PLCB4: variants seen among roughly 807,000 people sequenced by gnomAD.
The protein encoded by PLCB4 is 1-phosphatidylinositol 4,5-bisphosphate phosphodiesterase beta-4.
Under a neutral mutation model 178.8 loss-of-function variants are expected in PLCB4, and 77 were observed. That is an observed-to-expected ratio of 0.43 (90% CI 0.36 to 0.52). PLCB4 has a LOEUF of 0.52. Among genes scored for constraint, PLCB4 ranks in the 20% least tolerant of loss-of-function variants. The probability of loss-of-function intolerance (pLI) is 0.00; values close to 1 mark genes in which losing one functional copy is unlikely to be tolerated. For missense variants in PLCB4, 1,024 were observed against 1,453.4 expected, an observed-to-expected ratio of 0.70 and a Z score of 4.80; for synonymous variants, 496 against 490.8, an observed-to-expected ratio of 1.01 and a Z score of -0.14.
chr20:9,077,287 A>C (rs1487448532), intron 1 of PLCB4, among the ~76,000 whole-genome samples: 1 of 152,046 alleles, frequency 6.6e-6, no homozygotes, highest in African/African-American at 2.4e-5. Context: ...ATGTGTGAGA[A>C]TTTTTTTTGT....
intron 3 of PLCB4, among the ~76,000 whole-genome samples, chr20:9,292,489 C>G (rs759355441): frequency 6.6e-6 from 1 of 152,150 alleles, no homozygotes; most frequent in Non-Finnish European, 1.5e-5. Flanking sequence ...CAAGCCCCAC[C>G]AGTGAGGACC....
intron 28 of PLCB4, among the ~76,000 whole-genome samples, chr20:9,432,114 AC>A (rs1323727213): frequency 5.3e-5 from 8 of 152,210 alleles, no homozygotes; most frequent in Admixed American, 1.3e-4. Flanking sequence ...AATTTTCAGA[AC>A]TATGCCGATA....
intron 2 of PLCB4, among the ~76,000 whole-genome samples, chr20:9,187,969 A>C (rs2093351033): frequency 1.3e-5 from 2 of 152,192 alleles, no homozygotes; most frequent in Non-Finnish European, 2.9e-5. Flanking sequence ...GAATCTCTCA[A>C]ACTAGAAGAT....
At chr20:9,100,269 T>C (rs1194684581) in intron 2 of PLCB4, among the ~76,000 whole-genome samples, 4 of 152,194 alleles carry the variant, frequency 2.6e-5, no homozygotes, top group Non-Finnish European at 4.4e-5. Context: ...GCAATACTAA[T>C]GGAAACAGCC....
chr20:9,338,872 C>G (rs752338886), intron 6 of PLCB4, 22 bp from the exon 7 acceptor site: 1 of 1,573,490 alleles, frequency 6.4e-7, no homozygotes, highest in East Asian at 2.3e-5. Flanking sequence ...ATTTTTTTTT[C>G]TATCTGTGTA....
At chr20:9,404,441 G>C (rs1211473249) in intron 20 of PLCB4, among the ~76,000 whole-genome samples, 1 of 151,906 alleles carries the variant, frequency 6.6e-6, no homozygotes, top group African/African-American at 2.4e-5. Flanking sequence ...CAAGAGTATT[G>C]TTTTAATACA....
chr20:9,335,508 C>T (rs149280470), intron 4 of PLCB4, among the ~76,000 whole-genome samples: 4 of 152,290 alleles, frequency 2.6e-5, no homozygotes, highest in East Asian at 1.9e-4. Context: ...CAAAAAATGT[C>T]ATATACTGGC....
chr20:9,126,438 C>G (rs1037432436), intron 2 of PLCB4, among the ~76,000 whole-genome samples: 2 of 152,056 alleles, frequency 1.3e-5, no homozygotes, highest in African/African-American at 2.4e-5. Flanking sequence ...TCCCCTAGTC[C>G]CCTTCACTCT....
chr20:9,310,201 T>A (rs528929086), intron 4 of PLCB4, among the ~76,000 whole-genome samples: 1 of 152,296 alleles, frequency 6.6e-6, no homozygotes, highest in East Asian at 1.9e-4. Context: ...AAAAGGTTCG[T>A]TTCTATGGTT....
chr20:9,191,628 T>C (rs1459565708), intron 2 of PLCB4, among the ~76,000 whole-genome samples: 1 of 152,150 alleles, frequency 6.6e-6, no homozygotes, highest in Admixed American at 6.5e-5. Context: ...ATCTGTCCTG[T>C]TGGTACCTAG....
intron 14 of PLCB4, 148 bp from the exon 15 acceptor site, chr20:9,387,315 C>T: frequency 2.0e-6 from 1 of 512,584 alleles, no homozygotes; most frequent in East Asian, 3.1e-5. Context: ...TGGTTTTAAC[C>T]TGTATATGCC....
At chr20:9,085,852 T>G (rs2090385947) in intron 1 of PLCB4, among the ~76,000 whole-genome samples, 1 of 152,216 alleles carries the variant, frequency 6.6e-6, no homozygotes, top group African/African-American at 2.4e-5. Context: ...GGATTGGTCT[T>G]AGAAGCACAG....
At chr20:9,388,760 A>G (rs2037893682) in intron 15 of PLCB4, among the ~76,000 whole-genome samples, 1 of 152,222 alleles carries the variant, frequency 6.6e-6, no homozygotes, top group Non-Finnish European at 1.5e-5. Flanking sequence ...TGCTATGCAT[A>G]GTATTTCTCT....
intron 34 of PLCB4, among the ~76,000 whole-genome samples, chr20:9,459,356 A>AAAC (rs1403546603): frequency 6.6e-6 from 1 of 152,078 alleles, no homozygotes; most frequent in African/African-American, 2.4e-5. Flanking sequence ...AAAACAAAAC[A>AAAC]AACAAACAAA....
chr20:9,194,692 C>CAAAAAAAAAAAAA (rs555217572), intron 2 of PLCB4, among the ~76,000 whole-genome samples: 1 of 40,804 alleles, frequency 2.5e-5, no homozygotes, highest in Non-Finnish European at 5.2e-5. Context: ...GACTCCATCT[C>CAAAAAAAAAAAAA]AAAAAAAAAA....
At chr20:9,127,579 C>T (rs898215423) in intron 2 of PLCB4, among the ~76,000 whole-genome samples, 2 of 152,028 alleles carry the variant, frequency 1.3e-5, no homozygotes, top group Non-Finnish European at 2.9e-5. Context: ...TTGTTAGACA[C>T]TTCAGGTGCC....
chr20:9,181,010 C>A (rs2093236868), intron 2 of PLCB4, among the ~76,000 whole-genome samples: 1 of 152,132 alleles, frequency 6.6e-6, no homozygotes, highest in African/African-American at 2.4e-5. Context: ...CTGCAGGACC[C>A]ATATGTTGTG....
rs181119309 is a variant in PLCB4, at chr20:9,281,872, A to G, written c.-15-25928A>G. Among the ~76,000 whole-genome samples, 27 of 152,138 alleles carry G rather than the reference A, an allele frequency of 1.8e-4. No homozygotes were observed. In the East Asian group the frequency reaches 4.7e-3, roughly 26 times the overall value. On this transcript the variant is annotated intron_variant, in intron 3 of 39. Coordinates refer to ENST00000378473, the MANE Select transcript of PLCB4 (RefSeq NM_001377142.1). ...GACTACTTTATTTATCTAGATATCA[A>G]CTTACTAATAATATCAGCCATCCAA...
intron 4 of PLCB4, among the ~76,000 whole-genome samples, chr20:9,318,432 A>C (rs1167179011): frequency 6.6e-6 from 1 of 152,112 alleles, no homozygotes; most frequent in East Asian, 1.9e-4. Flanking sequence ...GGCATGCAAA[A>C]AAAACCTGAA....
Sources: allele counts gnomAD v4.1 joint callset (sites outside exome capture counted in the v4.1 genomes callset), GRCh38; gene constraint gnomAD v4.1.1; transcripts MANE v1.5; gene names NCBI Gene and HGNC (gene_info 2026-07-23, HGNC 2026-07-21).